TAOK3: variants seen among roughly 807,000 people sequenced by gnomAD.
TAOK3 encodes the protein TAO kinase 3.
A neutral mutation model predicts 120.4 loss-of-function variants in TAOK3; 40 were observed. The ratio of observed to expected loss-of-function variants is 0.33; its 90% confidence interval spans 0.26 to 0.43. TAOK3 has a LOEUF of 0.43. Among genes scored for constraint, TAOK3 ranks in the 20% least tolerant of loss-of-function variants. The probability of loss-of-function intolerance (pLI) is 1.00; values close to 1 mark genes in which losing one functional copy is unlikely to be tolerated. For missense variants in TAOK3, 821 were observed against 1,112.1 expected (o/e 0.74, Z 3.72); for synonymous variants, 355 against 387.5 (o/e 0.92, Z 0.99).
chr12:118,289,717 A>G (rs2042402006), intron 1 of TAOK3, among the ~76,000 whole-genome samples: 1 of 152,070 alleles, frequency 6.6e-6, no homozygotes, highest in African/African-American at 2.4e-5. Flanking sequence ...GAACCTGGCC[A>G]GGCGTGGTGG....
intron 1 of TAOK3, among the ~76,000 whole-genome samples, chr12:118,319,641 GATATT>G (rs1593528141): frequency 6.6e-6 from 1 of 151,956 alleles, no homozygotes; most frequent in African/African-American, 2.4e-5. Flanking sequence ...ACCACGATGA[GATATT>G]ATTTTATACT....
At chr12:118,272,374 C>T (rs529862942) in intron 1 of TAOK3, among the ~76,000 whole-genome samples, 3 of 151,232 alleles carry the variant, frequency 2.0e-5, no homozygotes, top group African/African-American at 7.3e-5. Flanking sequence ...AAATAATTTT[C>T]CCTTTCCCAG....
chr12:118,166,198 G>A (rs749849493), intron 17 of TAOK3, among the ~76,000 whole-genome samples: 2 of 152,128 alleles, frequency 1.3e-5, no homozygotes, highest in Non-Finnish European at 2.9e-5. Context: ...GAGAACTGAG[G>A]CTAAAACTCA....
intron 1 of TAOK3, among the ~76,000 whole-genome samples, chr12:118,276,811 C>A (rs541908971): frequency 2.4e-4 from 37 of 152,150 alleles, no homozygotes; most frequent in Non-Finnish European, 4.9e-4. Context: ...TCGAGACCAA[C>A]CTGGCCAACA....
intron 1 of TAOK3, among the ~76,000 whole-genome samples, chr12:118,367,762 C>T (rs1320553329): frequency 6.6e-6 from 1 of 151,702 alleles, no homozygotes; most frequent in Non-Finnish European, 1.5e-5. Context: ...CTCCCTCTCT[C>T]CCTTCTATTT....
intron 1 of TAOK3, among the ~76,000 whole-genome samples, chr12:118,308,930 CCAA>C (rs1330299547): frequency 1.4e-4 from 5 of 36,738 alleles, no homozygotes; most frequent in Admixed American, 8.5e-4. Flanking sequence ...AACTCTGTCT[CCAA>C]AAAAAAAAAA....
At chr12:118,363,812 C>A (rs1593709513) in intron 1 of TAOK3, among the ~76,000 whole-genome samples, 1 of 151,652 alleles carries the variant, frequency 6.6e-6, no homozygotes, top group East Asian at 1.9e-4. Context: ...CACAAACAGG[C>A]TGATAGGAGC....
chr12:118,296,780 G>T (rs1336943978), intron 1 of TAOK3, among the ~76,000 whole-genome samples: 2 of 152,168 alleles, frequency 1.3e-5, no homozygotes, highest in Non-Finnish European at 2.9e-5. Context: ...GCTACATCTA[G>T]CTATTGAGCA....
chr12:118,355,633 C>T (rs374230779), intron 1 of TAOK3, among the ~76,000 whole-genome samples: 6 of 152,158 alleles, frequency 3.9e-5, no homozygotes, highest in Non-Finnish European at 7.3e-5. Context: ...ATTATTATAA[C>T]GCTGATTTTA....
chr12:118,280,879 G>C (rs765757425), intron 1 of TAOK3, among the ~76,000 whole-genome samples: 24 of 152,162 alleles, frequency 1.6e-4, no homozygotes, highest in Admixed American at 2.6e-4. Context: ...TATTTAAGCA[G>C]TGTTTAGTAG....
At chr12:118,337,062 A>G (rs1054568870) in intron 1 of TAOK3, among the ~76,000 whole-genome samples, 16 of 152,238 alleles carry the variant, frequency 1.1e-4, no homozygotes, top group African/African-American at 3.6e-4. Flanking sequence ...TCTGTCTCAA[A>G]AAATAAAGAA....
chr12:118,176,941 A>G (rs975071434), intron 16 of TAOK3, among the ~76,000 whole-genome samples: 1 of 151,972 alleles, frequency 6.6e-6, no homozygotes, highest in East Asian at 1.9e-4. Context: ...TAATTTTTGT[A>G]TTTTTAGTAG....
intron 2 of TAOK3, among the ~76,000 whole-genome samples, chr12:118,262,349 G>T (rs1040490189): frequency 6.6e-6 from 1 of 151,946 alleles, no homozygotes; most frequent in Non-Finnish European, 1.5e-5. Flanking sequence ...CGGGCGTGGT[G>T]GTGGGTACCT....
At chr12:118,326,562 T>G (rs2043944203) in intron 1 of TAOK3, among the ~76,000 whole-genome samples, 1 of 152,236 alleles carries the variant, frequency 6.6e-6, no homozygotes, top group African/African-American at 2.4e-5. Flanking sequence ...ATATACATTT[T>G]TAATGTATCC....
intron 4 of TAOK3, 63 bp downstream of exon 4, chr12:118,244,831 A>T: frequency 7.5e-7 from 1 of 1,336,602 alleles, no homozygotes; most frequent in Non-Finnish European, 1.1e-6. Flanking sequence ...CCCGGCCAGA[A>T]TTTTGTTAAT....
At chr12:118,175,303 T>C (rs1051861371) in intron 16 of TAOK3, among the ~76,000 whole-genome samples, 4 of 152,192 alleles carry the variant, frequency 2.6e-5, no homozygotes, top group Non-Finnish European at 5.9e-5. Flanking sequence ...AGAACCTTGC[T>C]GAGTCCTCTA....
intron 9 of TAOK3, among the ~76,000 whole-genome samples, chr12:118,214,800 C>T (rs2038806701): frequency 6.7e-6 from 1 of 148,776 alleles, no homozygotes; most frequent in African/African-American, 2.5e-5. Context: ...GGCTGGAGTG[C>T]AATGGAACGA....
chr12:118,318,220 C>T (rs943759967), intron 1 of TAOK3, among the ~76,000 whole-genome samples: 7 of 150,026 alleles, frequency 4.7e-5, no homozygotes, highest in South Asian at 4.2e-4. Context: ...CGCAATGACG[C>T]GATCTTGGCT....
intron 9 of TAOK3, among the ~76,000 whole-genome samples, chr12:118,216,191 C>T (rs897545974): frequency 1.3e-5 from 2 of 152,136 alleles, no homozygotes; most frequent in Non-Finnish European, 2.9e-5. Flanking sequence ...AGTGAGACCC[C>T]GTCTTAAACC....
Sources: gnomAD v4.1 joint callset for allele counts (sites outside exome capture counted in the v4.1 genomes callset) on GRCh38, gnomAD v4.1.1 for gene constraint, MANE v1.5 for transcripts, NCBI Gene and HGNC (gene_info 2026-07-23, HGNC 2026-07-21) for gene names.